Variants in PALM observed in about 807,000 individuals in gnomAD.
The protein encoded by PALM is paralemmin-1.
PALM carries 18 observed loss-of-function variants against 30.7 expected under a neutral mutation model. The ratio of observed to expected loss-of-function variants is 0.59; its 90% confidence interval spans 0.41 to 0.87. The LOEUF is 0.87. Among genes scored for constraint, PALM ranks in the 40% least tolerant of loss-of-function variants. The probability of loss-of-function intolerance (pLI) is 0.00; values close to 1 mark genes in which losing one functional copy is unlikely to be tolerated. For missense variants in PALM, 529 were observed against 555.4 expected, an observed-to-expected ratio of 0.95 and a Z score of 0.48; for synonymous variants, 286 against 242.8, an observed-to-expected ratio of 1.18 and a Z score of -1.66.
At chr19:723,795 T>C (rs2032573521) in intron 1 of PALM, among the ~76,000 whole-genome samples, 1 of 152,098 alleles carries the variant, frequency 6.6e-6, no homozygotes, top group South Asian at 2.1e-4. Context: ...TTTTACCGTC[T>C]CTGTTGGCCA....
At chr19:736,116 CG>C (rs767705303) in intron 7 of PALM, 38 bp downstream of exon 7, 204 of 1,418,466 alleles carry the variant, frequency 1.4e-4, no homozygotes, top group Non-Finnish European at 1.9e-4. Context: ...CAGATCCAGC[CG>C]CTGTCAGGGA....
chr19:712,988 C>A (rs1355133935), intron 1 of PALM, among the ~76,000 whole-genome samples: 2 of 152,194 alleles, frequency 1.3e-5, no homozygotes, highest in Non-Finnish European at 2.9e-5. Context: ...CTCCCTTGAT[C>A]CTTACAGAAG....
At position 746,605 on chromosome 19, in the gene PALM, G is replaced by A; in HGVS notation, c.955G>A (p.Gly319Ser). Residue 319 changes from glycine to serine, a missense_variant, in exon 9 of 9, where the codon GGC (glycine) becomes AGC (serine). Coordinates refer to ENST00000338448, the MANE Select transcript of PALM (RefSeq NM_002579.3). This position sits in a 1 kb window ranked among gnomAD's most constrained non-coding sequence, Gnocchi z 7.1. ...EDEAETKKVL[G>S]LQDTITAELV... Reference sequence around the variant, plus strand: ...TGAGGCCGAGACCAAGAAGGTGCTGGGCCTTCAAGATACCATCACGGCGGA... The same window carrying A: ...TGAGGCCGAGACCAAGAAGGTGCTGAGCCTTCAAGATACCATCACGGCGGA... 1 of 1,613,328 alleles carries A rather than the reference G, an allele frequency of 6.2e-7. No individual in the cohort carries two copies. Among genetic ancestry groups the A allele is most frequent in the Non-Finnish European group, 8.5e-7 (1 of 1,179,886 alleles).
chr19:733,728 T>G (rs1178883043), intron 5 of PALM, among the ~76,000 whole-genome samples: 1 of 152,192 alleles, frequency 6.6e-6, no homozygotes, highest in Non-Finnish European at 1.5e-5. Context: ...TGGCTCAGCC[T>G]GTAATCCCGG....
At chr19:719,535 G>A (rs929350238) in intron 1 of PALM, 53 of 985,506 alleles carry the variant, frequency 5.4e-5, no homozygotes, top group Non-Finnish European at 6.4e-5. Flanking sequence ...AGGGAGGCTC[G>A]GAGACCCAGC....
intron 6 of PALM, 40 bp downstream of exon 6, chr19:734,234 T>C: frequency 6.2e-7 from 1 of 1,603,758 alleles, no homozygotes; most frequent in Non-Finnish European, 8.5e-7. Context: ...CTCGGCGCAC[T>C]CTGGTGGCCA....
Position 747,047 on chromosome 19 carries a change from G to A in PALM, c.*233G>A. ...CCGTGCACTTGTGCCTGGTAGGAGA[G>A]AGACAGGACAGACCCGCTTTTCCCG... On this transcript the variant is annotated 3_prime_UTR_variant, in exon 9 of 9. Transcript: ENST00000338448. The A allele has an allele frequency of 1.9e-6, 1 of 539,412 alleles. No homozygotes were observed. The highest frequency in any genetic ancestry group is 2.3e-5 in the South Asian group (1 of 42,704). The allele number at this position is 539,412 out of a possible 1,614,324, so 33.4% of individuals were successfully genotyped here.
intron 7 of PALM, 59 bp downstream of exon 7, chr19:736,137 G>C (rs1016654520): frequency 7.6e-7 from 1 of 1,310,250 alleles, no homozygotes; most frequent in East Asian, 2.4e-5. Context: ...ACCAAGTCTC[G>C]GTCCGGGGGG....
chr19:743,093 G>A (rs1380401549), intron 8 of PALM, among the ~76,000 whole-genome samples: 2 of 152,150 alleles, frequency 1.3e-5, no homozygotes, highest in South Asian at 4.1e-4. Flanking sequence ...GTGACGTGGG[G>A]TCTCCCTGTG....
At chr19:736,285 C>T (rs1000895404) in intron 7 of PALM, 14 of 520,592 alleles carry the variant, frequency 2.7e-5, no homozygotes, top group African/African-American at 1.6e-4. Context: ...CCTGGTCCCA[C>T]GCCGGCCCAC....
chr19:731,708 G>A (rs1470789745), intron 5 of PALM, among the ~76,000 whole-genome samples: 2 of 152,032 alleles, frequency 1.3e-5, no homozygotes, highest in Non-Finnish European at 2.9e-5. Flanking sequence ...TCGTTCTGTT[G>A]CCCAGGCTGG....
intron 8 of PALM, among the ~76,000 whole-genome samples, chr19:741,208 G>C (rs1464283439): frequency 6.6e-6 from 1 of 152,112 alleles, no homozygotes; most frequent in Non-Finnish European, 1.5e-5. Flanking sequence ...CATCCAGGGG[G>C]CTGTGAGAAG....
chr19:730,801 A>G (rs911493535), intron 4 of PALM, among the ~76,000 whole-genome samples: 2 of 152,076 alleles, frequency 1.3e-5, no homozygotes, highest in African/African-American at 4.8e-5. Flanking sequence ...GGAGTTCAAG[A>G]CCAGCCTGGC....
intron 1 of PALM, among the ~76,000 whole-genome samples, chr19:724,338 T>G (rs912317656): frequency 2.0e-5 from 3 of 152,060 alleles, no homozygotes; most frequent in African/African-American, 7.2e-5. Context: ...GTTTGTTTGT[T>G]TGAGGTGGAG....
intron 1 of PALM, among the ~76,000 whole-genome samples, chr19:725,727 C>A (rs2032639243): frequency 6.6e-6 from 1 of 151,840 alleles, no homozygotes; most frequent in South Asian, 2.1e-4. Flanking sequence ...TTTGCCCCTC[C>A]TGGGGCTGCA....
intron 1 of PALM, among the ~76,000 whole-genome samples, chr19:724,374 T>C (rs936613582): frequency 1.3e-5 from 2 of 151,866 alleles, no homozygotes; most frequent in African/African-American, 4.8e-5. Flanking sequence ...CAGGCTGGAG[T>C]GCAGTGGCGC....
At position 734,635 on chromosome 19, in the gene PALM, C is replaced by G. The variant is rs1303098542; in HGVS notation, c.442+441C>G. 11 of 183,934 alleles carry G rather than the reference C, an allele frequency of 6.0e-5. No homozygotes were observed. In the South Asian group the frequency reaches 8.7e-4, roughly 14 times the overall value. The allele number at this position is 183,934 out of a possible 1,614,324, so 11.4% of individuals were successfully genotyped here. On this transcript the variant is annotated intron_variant, in intron 6 of 8. Coordinates refer to ENST00000338448, the MANE Select transcript of PALM (RefSeq NM_002579.3). ...CTGAGACAGGTGGATCCCTTGAGGT[C>G]AGGAGTTCAAGACCAGCCTGGCCAA...
At chr19:736,171 G>A (rs988675325) in intron 7 of PALM, 93 bp downstream of exon 7, 6 of 844,424 alleles carry the variant, frequency 7.1e-6, no homozygotes, top group Middle Eastern at 2.4e-4. Context: ...GGGCGACACC[G>A]ACCTGCTCTC....
At chr19:738,743 C>T (rs947617462) in intron 7 of PALM, among the ~76,000 whole-genome samples, 1 of 152,144 alleles carries the variant, frequency 6.6e-6, no homozygotes, top group Non-Finnish European at 1.5e-5. Flanking sequence ...GAGCAGAGTC[C>T]AGGGCCGCAG....
Sources: allele counts gnomAD v4.1 joint callset (sites outside exome capture counted in the v4.1 genomes callset), GRCh38; gene constraint gnomAD v4.1.1; non-coding constraint Gnocchi (gnomAD v3.1); transcripts MANE v1.5; gene names NCBI Gene and HGNC (gene_info 2026-07-23, HGNC 2026-07-21).